CALCOCO2: variants seen among roughly 807,000 people sequenced by gnomAD.
CALCOCO2 encodes the protein calcium-binding and coiled-coil domain-containing protein 2.
A neutral mutation model predicts 62.5 loss-of-function variants in CALCOCO2; 42 were observed. The ratio of observed to expected loss-of-function variants is 0.67; its 90% CI spans 0.53 to 0.87. The LOEUF is 0.87. CALCOCO2 is among the 40% of genes least tolerant of loss of function. The pLI, the probability that CALCOCO2 is intolerant of heterozygous loss-of-function variation, is 0.00. For missense variants in CALCOCO2, 456 were observed against 515.0 expected (o/e 0.89, Z 1.11); for synonymous variants, 167 against 173.0 (o/e 0.97, Z 0.27).
chr17:48,858,002 T>C (rs557479269), intron 10 of CALCOCO2, among the ~76,000 whole-genome samples: 138 of 19,712 alleles, frequency 7.0e-3, no homozygotes, highest in Middle Eastern at 0.028. Context: ...TAGAATAGAA[T>C]AGAATAGAAT....
chr17:48,850,025 G>A (rs979486678), intron 5 of CALCOCO2, among the ~76,000 whole-genome samples: 1 of 151,958 alleles, frequency 6.6e-6, no homozygotes, highest in African/African-American at 2.4e-5. Flanking sequence ...AGGAGACCGG[G>A]CGTGGTGGCT....
chr17:48,841,788 T>C lies in CALCOCO2; in HGVS notation c.81T>C (p.Ser27=), dbSNP rs1473789656. Reference sequence around the variant, plus strand: ...ATTTCTCTCAGGTCATCTTTAACAGTGTGGAGAAGTTCTACATCCCTGGAG... The same window carrying C: ...ATTTCTCTCAGGTCATCTTTAACAGCGTGGAGAAGTTCTACATCCCTGGAG... ...HCHFSQVIFN[S]VEKFYIPGGD... is the part of the protein sequence containing the mutation. Residue 27 remains serine, a synonymous_variant, in exon 2 of 13, where the codon AGT becomes AGC. Transcript: ENST00000258947. 3.1e-6 allele frequency: 5 copies of C among 1,613,330 alleles called. No homozygotes were observed. Among genetic ancestry groups the C allele is most frequent in the Admixed American group, 1.7e-5 (1 of 59,988 alleles).
intron 1 of CALCOCO2, among the ~76,000 whole-genome samples, chr17:48,834,183 A>G (rs2039858455): frequency 6.6e-6 from 1 of 151,786 alleles, no homozygotes; most frequent in African/African-American, 2.4e-5. Context: ...GGAAGACATA[A>G]GAGGATCTAT....
At chr17:48,850,650 C>T (rs2040115764) in intron 5 of CALCOCO2, among the ~76,000 whole-genome samples, 1 of 152,112 alleles carries the variant, frequency 6.6e-6, no homozygotes, top group Non-Finnish European at 1.5e-5. Flanking sequence ...GTCTGCAATG[C>T]AAGAACAGTG....
rs148941361 is a variant in CALCOCO2, at chr17:48,851,073, T to C, written c.544-16T>C. On this transcript the variant is annotated splice_polypyrimidine_tract_variant and intron_variant, in intron 5 of 12. Transcript: ENST00000258947. ...ATAGAACTAGTCTGTCCCTTTGATG[T>C]TGTTTCAATCTATAGGAGGAGCTAG... 83 of 1,451,364 alleles carry C rather than the reference T, an allele frequency of 5.7e-5. No homozygotes were observed. In the African/African-American group the frequency reaches 1.0e-3, roughly 18 times the overall value. 89.9% of individuals were successfully genotyped at this position (1,451,364 alleles called of 1,614,324 possible). A position where few individuals can be genotyped will look rare whatever the true frequency, so the allele number is the denominator to read the frequency against.
intron 1 of CALCOCO2, among the ~76,000 whole-genome samples, chr17:48,838,618 G>A (rs1318195245): frequency 6.6e-6 from 1 of 152,104 alleles, no homozygotes; most frequent in African/African-American, 2.4e-5. Flanking sequence ...GGAGGCCGAG[G>A]CAGGAGAATG....
Position 48,851,086 on chromosome 17 carries a change from T to G in CALCOCO2, c.544-3T>G. The G allele has an allele frequency of 6.4e-7, 1 of 1,550,850 alleles. No homozygotes were observed. The highest frequency in any genetic ancestry group is 8.9e-7 in the Non-Finnish European group (1 of 1,122,314). On this transcript the variant is annotated splice_polypyrimidine_tract_variant and splice_region_variant and intron_variant, in intron 5 of 12. Transcript: ENST00000258947. ...GTCCCTTTGATGTTGTTTCAATCTATAGGAGGAGCTAGAAACCCTACAGAG... is the reference window on the plus strand; with the variant it reads ...GTCCCTTTGATGTTGTTTCAATCTAGAGGAGGAGCTAGAAACCCTACAGAG...
chr17:48,852,639 G>T lies in CALCOCO2; in HGVS notation c.825+11G>T. 6.2e-7 allele frequency: 1 copy of T among 1,607,880 alleles called. No homozygotes were observed. The highest frequency in any genetic ancestry group is 1.1e-5 in the South Asian group (1 of 90,172). ...AGTTTAACTGAACAGGTAGAGTCATGAGAGAAAACAACACTTTTAGGCATT... is the reference window on the plus strand; with the variant it reads ...AGTTTAACTGAACAGGTAGAGTCATTAGAGAAAACAACACTTTTAGGCATT... On this transcript the variant is annotated intron_variant, in intron 8 of 12. Transcript: ENST00000258947.
At chr17:48,840,350 T>G (rs2039960178) in intron 1 of CALCOCO2, among the ~76,000 whole-genome samples, 1 of 151,636 alleles carries the variant, frequency 6.6e-6, no homozygotes, top group African/African-American at 2.4e-5. Flanking sequence ...AGGTTGGTCA[T>G]GAACTCCTGG....
At chr17:48,839,251 C>T (rs2039940081) in intron 1 of CALCOCO2, 1 of 152,402 alleles carries the variant, frequency 6.6e-6, no homozygotes, top group South Asian at 2.1e-4. Context: ...TCATGATCCA[C>T]CCACCTCTGC....
Position 48,863,137 on chromosome 17 carries a change from C to G in CALCOCO2, c.*132C>G, listed in dbSNP as rs968555196. On this transcript the variant is annotated 3_prime_UTR_variant, in exon 13 of 13. Coordinates refer to ENST00000258947, the MANE Select transcript of CALCOCO2 (RefSeq NM_005831.5). Reference sequence around the variant, plus strand: ...ATTTACTCAGCCCTGCTGCCGCTAACAGTGGAGTTATGTCACTGATCTGAA... The same window carrying G: ...ATTTACTCAGCCCTGCTGCCGCTAAGAGTGGAGTTATGTCACTGATCTGAA... 1.4e-6 allele frequency: 1 copy of G among 704,070 alleles called. No homozygotes were observed. The highest frequency in any genetic ancestry group is 1.8e-5 in the African/African-American group (1 of 56,292). 43.6% of individuals were successfully genotyped at this position (704,070 alleles called of 1,614,324 possible).
chr17:48,862,746 C>A, intron 12 of CALCOCO2, 92 bp from the exon 13 acceptor site: 1 of 971,314 alleles, frequency 1.0e-6, no homozygotes, highest in African/African-American at 1.6e-5. Context: ...AGTCATTATG[C>A]TAGGCACTGA....
intron 9 of CALCOCO2, among the ~76,000 whole-genome samples, chr17:48,854,396 A>ATTTTTTTTT (rs1226127478): frequency 2.1e-3 from 4 of 1,918 alleles, no homozygotes; most frequent in African/African-American, 2.5e-3. Flanking sequence ...ATATATATAT[A>ATTTTTTTTT]TTTTTTTTTT....
chr17:48,841,783 A>C lies in CALCOCO2; in HGVS notation c.76A>C (p.Asn26His), dbSNP rs1436067688. ...DHCHFSQVIF[N>H]SVEKFYIPGG... Reference sequence around the variant, plus strand: ...CTGTCATTTCTCTCAGGTCATCTTTAACAGTGTGGAGAAGTTCTACATCCC... The same window carrying C: ...CTGTCATTTCTCTCAGGTCATCTTTCACAGTGTGGAGAAGTTCTACATCCC... The change falls in exon 2 of 13, where the codon AAC (asparagine) becomes CAC (histidine). Residue 26 changes from asparagine (N) to histidine (H), a missense_variant. This residue lies in a region of CALCOCO2 where 48 missense variants were observed against 79.3 expected (regional missense o/e 0.61). Transcript: ENST00000258947. 6.2e-7 allele frequency: 1 copy of C among 1,613,470 alleles called. No homozygotes were observed. Among genetic ancestry groups the C allele is most frequent in the Non-Finnish European group, 8.5e-7 (1 of 1,179,432 alleles).
At chr17:48,860,940 CAG>C (rs1490339872) in intron 11 of CALCOCO2, among the ~76,000 whole-genome samples, 1 of 152,078 alleles carries the variant, frequency 6.6e-6, no homozygotes. Flanking sequence ...CCTTGCCAAA[CAG>C]GGAGCTTTTC....
At chr17:48,842,154 CTTT>C (rs200836727) in intron 2 of CALCOCO2, 4 of 136,636 alleles carry the variant, frequency 2.9e-5, no homozygotes, top group South Asian at 2.0e-4. Flanking sequence ...TTTTTCTTTT[CTTT>C]TTTTTTTTTT....
In CALCOCO2 at chr17:48,849,287, G is replaced by A. The variant is rs111607416; in HGVS notation, c.453G>A (p.Glu151=). 1,087 of 1,613,718 alleles carry A rather than the reference G, an allele frequency of 6.7e-4. 3 individuals are homozygous for A. The African/African-American group carries it at 0.013, about 19-fold the overall frequency. The change falls in exon 5 of 13, where the codon GAG becomes GAA. Residue 151 remains glutamate (E), a synonymous_variant. Coordinates refer to ENST00000258947, the MANE Select transcript of CALCOCO2 (RefSeq NM_005831.5). ...EVEEIEQHNK[E]LCKENQELKD... ...AAGAGATTGAGCAGCACAACAAGGA[G>A]CTTTGCAAAGAAAACCAGGAGCTGA... is the stretch of plus-strand genomic sequence containing the variant.
intron 1 of CALCOCO2, among the ~76,000 whole-genome samples, chr17:48,837,371 A>G (rs60656944): frequency 0.11 from 17,200 of 151,836 alleles, 1,742 homozygotes; most frequent in African/African-American, 0.28. Context: ...TGAGCCGGGC[A>G]TGGTGGCTCA....
chr17:48,854,378 T>TTTATATATATATATATA (rs1489635512), intron 9 of CALCOCO2, among the ~76,000 whole-genome samples: 1 of 12,160 alleles, frequency 8.2e-5, no homozygotes, highest in Admixed American at 1.7e-3. Context: ...TGGTTTTCTT[T>TTTATATATATATATATA]TATTTATATA....
Sources: allele counts gnomAD v4.1 joint callset (sites outside exome capture counted in the v4.1 genomes callset), GRCh38; gene constraint gnomAD v4.1.1; regional missense constraint gnomAD v4.1.1; transcripts MANE v1.5; gene names NCBI Gene and HGNC (gene_info 2026-07-23, HGNC 2026-07-21).